The following PCNX2 variants were observed in gnomAD, a reference collection of about 807,000 sequenced individuals.
The protein encoded by PCNX2 is pecanex-like protein 2.
In PCNX2, 168 loss-of-function variants were observed where a neutral mutation model predicts 223.8. The observed-to-expected ratio is 0.75, with a 90% CI of 0.66 to 0.85. The LOEUF (loss-of-function observed/expected upper bound fraction) is 0.85. PCNX2 is among the 40% of genes least tolerant of loss of function. The pLI is 0.00. For missense variants in PCNX2, 2,507 were observed against 2,675.5 expected, an observed-to-expected ratio of 0.94 and a Z score of 1.39; for synonymous variants, 1,006 against 1,052.6, an observed-to-expected ratio of 0.96 and a Z score of 0.86.
At chr1:233,080,958 T>C (rs1376725076) in intron 23 of PCNX2, among the ~76,000 whole-genome samples, 1 of 152,054 alleles carries the variant, frequency 6.6e-6, no homozygotes, top group South Asian at 2.1e-4. Flanking sequence ...CATTTGAAAA[T>C]CCCTTTCCCA....
rs1344644109 is a variant in PCNX2 at position 232,992,013 on chromosome 1, T to A, written c.5792-5473A>T. Among the ~76,000 whole-genome samples the A allele has an allele frequency of 2.0e-5, 3 of 152,360 alleles. No homozygotes were observed. The East Asian group carries it at 5.8e-4, about 29-fold the overall frequency. Reference sequence around the variant, plus strand: ...CACTCTGACTTGCTTTGTGGAGATTTACGATTTTGTGTGTTGTCGGAGCTG... The same window carrying A: ...CACTCTGACTTGCTTTGTGGAGATTAACGATTTTGTGTGTTGTCGGAGCTG... On this transcript the variant is annotated intron_variant, in intron 32 of 33. Transcript: ENST00000258229.
intron 25 of PCNX2, among the ~76,000 whole-genome samples, chr1:233,049,127 A>T (rs1392783830): frequency 6.6e-6 from 1 of 152,194 alleles, no homozygotes; most frequent in Non-Finnish European, 1.5e-5. Context: ...CTCCTCCCTA[A>T]TGCATTCTAT....
At chr1:233,232,869 G>GATA in intron 9 of PCNX2, 1 of 984,158 alleles carries the variant, frequency 1.0e-6, no homozygotes, top group Non-Finnish European at 1.2e-6. Context: ...TATCCATAAT[G>GATA]ATAATAATAA....
chr1:233,149,613 C>T (rs527414044), intron 19 of PCNX2, among the ~76,000 whole-genome samples: 10 of 152,298 alleles, frequency 6.6e-5, no homozygotes, highest in African/African-American at 2.2e-4. Context: ...TCTCATCTGT[C>T]TTCCTGGGTC....
intron 1 of PCNX2, among the ~76,000 whole-genome samples, chr1:233,274,880 A>G (rs893353010): frequency 6.6e-6 from 1 of 152,228 alleles, no homozygotes; most frequent in Admixed American, 6.5e-5. Flanking sequence ...AGCGAAACAT[A>G]GAAGCAAAAA....
rs61731486 is a variant in PCNX2 at position 232,986,356 on chromosome 1, C to G, written c.5976G>C (p.Thr1992=). 4.4e-6 allele frequency: 7 copies of G among 1,600,826 alleles called. No individual in the cohort carries two copies. The highest frequency in any genetic ancestry group is 6.0e-6 in the Non-Finnish European group (7 of 1,173,946). ...CGGGCGGGGGCTGAGAGTGCAGGGA[C>G]GTGGCCGAGGCGTGCAAGGAGAGCC... is the stretch of plus-strand genomic sequence containing the variant. The part of the protein sequence containing the change: ...GSRLSLHASA[T]SLHSQPPPVT... The change falls in exon 33 of 34, where the codon ACG becomes ACC. Residue 1992 remains threonine (T), a synonymous_variant. Transcript: ENST00000258229.
intron 28 of PCNX2, among the ~76,000 whole-genome samples, chr1:233,008,984 T>G (rs534283008): frequency 4.9e-4 from 74 of 152,268 alleles, no homozygotes; most frequent in African/African-American, 1.7e-3. Flanking sequence ...GGTGCGTTCC[T>G]GCACAGCAGA....
At chr1:233,005,824 A>C (rs966551764) in intron 28 of PCNX2, among the ~76,000 whole-genome samples, 10 of 152,186 alleles carry the variant, frequency 6.6e-5, no homozygotes, top group African/African-American at 2.2e-4. Context: ...ACAGGCTCCC[A>C]CCCTCAGGCC....
chr1:233,311,331 T>C, the PCNX2 span, among the ~76,000 whole-genome samples: 3 of 152,208 alleles, frequency 2.0e-5, no homozygotes, highest in Admixed American at 2.0e-4. Context: ...CCTGGAAAGA[T>C]GGAGACCCAA....
At chr1:233,290,881 C>T in intron 1 of PCNX2, 1 of 985,312 alleles carries the variant, frequency 1.0e-6, no homozygotes, top group African/African-American at 1.7e-5. Context: ...AAAGGGCTGC[C>T]CATACAAACA....
At chr1:233,241,816 T>C (rs556208599) in intron 8 of PCNX2, among the ~76,000 whole-genome samples, 23 of 152,340 alleles carry the variant, frequency 1.5e-4, no homozygotes, top group African/African-American at 5.5e-4. Flanking sequence ...ATTTTGAATA[T>C]CTAGTTGACT....
At chr1:233,057,551 T>C in intron 23 of PCNX2, 1 of 375,532 alleles carries the variant, frequency 2.7e-6, no homozygotes. Context: ...TTAATCAATT[T>C]GGAGCACCAG....
At chr1:233,269,250 G>A (rs546173300) in intron 1 of PCNX2, among the ~76,000 whole-genome samples, 1 of 152,294 alleles carries the variant, frequency 6.6e-6, no homozygotes, top group African/African-American at 2.4e-5. Context: ...AGCTTCACTA[G>A]ATGTTCTGTG....
intron 19 of PCNX2, among the ~76,000 whole-genome samples, chr1:233,154,067 GT>G (rs576323202): frequency 6.6e-6 from 1 of 151,950 alleles, no homozygotes; most frequent in Non-Finnish European, 1.5e-5. Context: ...TAATTGATGT[GT>G]TTTTTTGTTT....
At chr1:233,276,031 A>AAAAAAAAG (rs144610091) in intron 1 of PCNX2, among the ~76,000 whole-genome samples, 14,221 of 151,598 alleles carry the variant, frequency 0.094, 803 homozygotes, top group South Asian at 0.16. Flanking sequence ...CTGTCTCCAA[A>AAAAAAAAG]AAAAAAAGAA....
At chr1:233,089,378 A>C (rs1380699712) in intron 23 of PCNX2, among the ~76,000 whole-genome samples, 1 of 152,138 alleles carries the variant, frequency 6.6e-6, no homozygotes, top group East Asian at 1.9e-4. Flanking sequence ...CCAGGTACAC[A>C]TGCTTTCCTT....
intron 23 of PCNX2, among the ~76,000 whole-genome samples, chr1:233,086,260 GA>G (rs1371622061): frequency 6.6e-6 from 1 of 152,176 alleles, no homozygotes; most frequent in Non-Finnish European, 1.5e-5. Flanking sequence ...AGATGGGCTA[GA>G]AAGTTCGAGA....
intron 23 of PCNX2, among the ~76,000 whole-genome samples, chr1:233,076,995 T>G (rs1368272000): frequency 6.6e-6 from 1 of 152,240 alleles, no homozygotes; most frequent in Non-Finnish European, 1.5e-5. Context: ...CTCATTATTC[T>G]GACCCCTAGT....
chr1:232,999,203 G>T lies in PCNX2; in HGVS notation c.5505C>A (p.Thr1835=), dbSNP rs754911023. The T allele has an allele frequency of 8.7e-6, 14 of 1,613,810 alleles. No homozygotes were observed. In the Admixed American group the frequency reaches 2.0e-4, roughly 23 times the overall value. The change falls in exon 31 of 34, where the codon ACC becomes ACA. Residue 1835 remains threonine, a synonymous_variant. Coordinates refer to ENST00000258229, the MANE Select transcript of PCNX2 (RefSeq NM_014801.4). ...GCCTGTGTGTCCCTAGGTAGGATGTGGTTAGTGGGGAGACATACATGGGGT... is the reference window on the plus strand; with the variant it reads ...GCCTGTGTGTCCCTAGGTAGGATGTTGTTAGTGGGGAGACATACATGGGGT... ...LGYPMYVSPL[T]TSYLGTHRQL... is the part of the protein sequence containing the mutation.
Sources: gnomAD v4.1 joint callset for allele counts (sites outside exome capture counted in the v4.1 genomes callset) on GRCh38, gnomAD v4.1.1 for gene constraint, MANE v1.5 for transcripts, NCBI Gene and HGNC (gene_info 2026-07-23, HGNC 2026-07-21) for gene names.